The following MAGI2 variants were observed in gnomAD, a reference collection of about 807,000 sequenced individuals.
The protein encoded by MAGI2 is membrane-associated guanylate kinase, WW and PDZ domain-containing protein 2.
In MAGI2, 35 loss-of-function variants were observed where a neutral mutation model predicts 133.3. The ratio of observed to expected loss-of-function variants is 0.26; its 90% CI spans 0.20 to 0.35. MAGI2 has a LOEUF of 0.35. MAGI2 is among the 10% of genes least tolerant of loss of function. The pLI is 1.00. For missense variants in MAGI2, 1,636 were observed against 1,863.4 expected (o/e 0.88, Z 2.25); for synonymous variants, 729 against 710.6 (o/e 1.03, Z -0.41).
intron 2 of MAGI2, among the ~76,000 whole-genome samples, chr7:78,880,019 A>T (rs990104983): frequency 6.6e-6 from 1 of 152,144 alleles, no homozygotes; most frequent in South Asian, 2.1e-4. Flanking sequence ...TTAGACAAAA[A>T]TAGTCAAAAG....
intron 1 of MAGI2, among the ~76,000 whole-genome samples, chr7:79,075,217 A>C (rs1367216073): frequency 1.3e-5 from 2 of 152,112 alleles, no homozygotes; most frequent in Non-Finnish European, 2.9e-5. Context: ...CCAGAGCTGG[A>C]TCACATGTTC....
At position 78,019,550 on chromosome 7, in the gene MAGI2, CAG is replaced by C; in HGVS notation, c.4131_4132del (p.Cys1378ProfsTer62). On this transcript the variant is annotated frameshift_variant, in exon 22 of 22. Transcript: ENST00000354212. LOFTEE classifies it low-confidence loss of function (END_TRUNC). ...CGCAGCCCCCGGGCCTTCGCGCCGG[CAG>C]AGCTCGGAGCCCGCCGCCGCACGGG... 4 of 980,510 alleles carry C rather than the reference CAG, an allele frequency of 4.1e-6. No homozygotes were observed. In the South Asian group the frequency reaches 1.8e-4, roughly 44 times the overall value. 60.7% of individuals were successfully genotyped at this position (980,510 alleles called of 1,614,324 possible).
intron 1 of MAGI2, among the ~76,000 whole-genome samples, chr7:79,376,841 G>GT (rs1563166210): frequency 0.13 from 19,834 of 147,486 alleles, 1,394 homozygotes; most frequent in Middle Eastern, 0.19. Context: ...TGTGTGTGTG[G>GT]GTGTATGGCG....
chr7:79,188,173 G>C (rs1827329973), intron 1 of MAGI2, among the ~76,000 whole-genome samples: 1 of 151,748 alleles, frequency 6.6e-6, no homozygotes, highest in Non-Finnish European at 1.5e-5. Flanking sequence ...TTGTTACCTA[G>C]GTAAACATGT....
chr7:78,506,539 T>A (rs1444038835), intron 4 of MAGI2, among the ~76,000 whole-genome samples: 1 of 152,068 alleles, frequency 6.6e-6, no homozygotes, highest in African/African-American at 2.4e-5. Flanking sequence ...AACAATGGAC[T>A]GGTAAAAGAG....
At position 79,170,137 on chromosome 7, in the gene MAGI2, CTTTTTTTTTTT is replaced by C. The variant is rs10539344; in HGVS notation, c.302-162942_302-162932del. ...TCAATGGTTACTTTGAGATATTATA[CTTTTTTTTTTT>C]TTTTTTTTTTTTTTTTTTGAGACAG... is the stretch of plus-strand genomic sequence containing the variant. On this transcript the variant is annotated intron_variant, in intron 1 of 21. Coordinates refer to ENST00000354212, the MANE Select transcript of MAGI2 (RefSeq NM_012301.4). Among the ~76,000 whole-genome samples the C allele has an allele frequency of 1.9e-4, 8 of 42,948 alleles. No individual in the cohort carries two copies. In the South Asian group the frequency reaches 2.8e-3, roughly 15 times the overall value. The allele number at this position is 42,948 out of a possible 152,430, so 28.2% of individuals were successfully genotyped here. A position where few individuals can be genotyped will look rare whatever the true frequency, so the allele number is the denominator to read the frequency against.
At chr7:78,431,768 A>T (rs1311576663) in intron 6 of MAGI2, among the ~76,000 whole-genome samples, 1 of 151,866 alleles carries the variant, frequency 6.6e-6, no homozygotes, top group African/African-American at 2.4e-5. Flanking sequence ...GAGTGCATAT[A>T]CTCACTTAAG....
At chr7:78,503,391 C>G (rs990508236) in intron 4 of MAGI2, among the ~76,000 whole-genome samples, 1 of 152,024 alleles carries the variant, frequency 6.6e-6, no homozygotes, top group Non-Finnish European at 1.5e-5. Context: ...CATCCAAAAT[C>G]TCATCTTGAA....
intron 7 of MAGI2, among the ~76,000 whole-genome samples, chr7:78,362,445 G>A (rs1378470327): frequency 6.6e-6 from 1 of 152,128 alleles, no homozygotes; most frequent in Non-Finnish European, 1.5e-5. Context: ...GGAGGTAAGT[G>A]GGAATTATCA....
intron 2 of MAGI2, among the ~76,000 whole-genome samples, chr7:78,870,537 A>G (rs1185088336): frequency 6.6e-6 from 1 of 152,130 alleles, no homozygotes; most frequent in African/African-American, 2.4e-5. Context: ...TGATTAAAAC[A>G]TCAAAAAATA....
In MAGI2 at chr7:78,868,019, T is replaced by C. The variant is rs184502166; in HGVS notation, c.418+139071A>G. On this transcript the variant is annotated intron_variant, in intron 2 of 21. Coordinates refer to ENST00000354212, the MANE Select transcript of MAGI2 (RefSeq NM_012301.4). ...AAAAAAAAAGAATGTGTTGATACGA[T>C]TTTTAACAAATGGAGAGCAACTAAA... Among the ~76,000 whole-genome samples the C allele has an allele frequency of 3.0e-3, 453 of 152,230 alleles. 4 individuals are homozygous for C. The highest frequency in any genetic ancestry group is 0.01 in the African/African-American group (433 of 41,522).
At chr7:78,844,885 T>C (rs1405028379) in intron 2 of MAGI2, among the ~76,000 whole-genome samples, 1 of 151,904 alleles carries the variant, frequency 6.6e-6, no homozygotes, top group African/African-American at 2.4e-5. Flanking sequence ...GAGGTGGCTA[T>C]GCTGAAAGAA....
chr7:78,057,999 A>ATGTGTCTGTGTGTGTGTGTGTGTGTG (rs762405456), intron 21 of MAGI2, among the ~76,000 whole-genome samples: 2 of 108,582 alleles, frequency 1.8e-5, no homozygotes, highest in Non-Finnish European at 2.0e-5. Flanking sequence ...ATATATATAT[A>ATGTGTCTGTGTGTGTGTGTGTGTGTG]TATATGTATG....
At chr7:78,515,061 C>G (rs115455650) in intron 4 of MAGI2, among the ~76,000 whole-genome samples, 2,290 of 152,242 alleles carry the variant, frequency 0.015, 54 homozygotes, top group African/African-American at 0.051. Context: ...ATGCGCATTT[C>G]TAATTCTTTG....
At chr7:78,396,862 C>T (rs1014705371) in intron 6 of MAGI2, among the ~76,000 whole-genome samples, 1 of 152,098 alleles carries the variant, frequency 6.6e-6, no homozygotes, top group Non-Finnish European at 1.5e-5. Flanking sequence ...GTTCTTGACC[C>T]TATGAGACAG....
At chr7:79,372,463 G>T (rs1843107998) in intron 1 of MAGI2, among the ~76,000 whole-genome samples, 1 of 152,214 alleles carries the variant, frequency 6.6e-6, no homozygotes. Flanking sequence ...GAGTAGAACA[G>T]ACTTAGAGAA....
intron 1 of MAGI2, among the ~76,000 whole-genome samples, chr7:79,167,924 T>G (rs1425196241): frequency 6.6e-6 from 1 of 152,120 alleles, no homozygotes; most frequent in East Asian, 1.9e-4. Context: ...ACACCCGGCC[T>G]GCCCAGGGTG....
intron 6 of MAGI2, chr7:78,486,719 G>C (rs1455303486): frequency 5.0e-6 from 2 of 401,110 alleles, no homozygotes; most frequent in African/African-American, 4.1e-5. Flanking sequence ...GTAGGGACTC[G>C]GTGGTTTGGA....
chr7:79,363,707 A>C lies in MAGI2; in HGVS notation c.301+89313T>G, dbSNP rs529379815. Among the ~76,000 whole-genome samples the C allele has an allele frequency of 2.6e-5, 4 of 151,652 alleles. No homozygotes were observed. In the East Asian group the frequency reaches 7.8e-4, roughly 30 times the overall value. ...CAAAACTGAAAATTAAAAAAAAAAA[A>C]AACAGAATTGCATCAAACTAAAAAG... On this transcript the variant is annotated intron_variant, in intron 1 of 21. Transcript: ENST00000354212.
Sources: allele counts gnomAD v4.1 joint callset (sites outside exome capture counted in the v4.1 genomes callset), GRCh38; gene constraint gnomAD v4.1.1; transcripts MANE v1.5; gene names NCBI Gene and HGNC (gene_info 2026-07-23, HGNC 2026-07-21).